Variants in DOK6 observed in about 807,000 individuals in gnomAD.
The protein encoded by DOK6 is docking protein 6.
Under a neutral mutation model 44.0 loss-of-function variants are expected in DOK6, and 22 were observed. That is an observed-to-expected ratio of 0.50 (90% confidence interval 0.36 to 0.71). DOK6 has a LOEUF of 0.71. Ranked by LOEUF, DOK6 falls within the 30% of genes least tolerant of loss-of-function variation. DOK6 has a pLI of 0.00. For missense variants in DOK6, 340 were observed against 416.4 expected (o/e 0.82, Z 1.60); for synonymous variants, 166 against 145.5 (o/e 1.14, Z -1.01).
intron 1 of DOK6, among the ~76,000 whole-genome samples, chr18:69,528,518 T>C (rs1981897874): frequency 2.6e-5 from 4 of 152,218 alleles, no homozygotes; most frequent in Admixed American, 2.6e-4. Flanking sequence ...GGAGATTCCC[T>C]GAAGTATAGC....
Position 69,841,584 on chromosome 18 carries a change from G to A in DOK6, c.*201G>A. The A allele has an allele frequency of 1.6e-6, 1 of 609,646 alleles. No individual in the cohort carries two copies. Among genetic ancestry groups the A allele is most frequent in the Non-Finnish European group, 2.6e-6 (1 of 381,408 alleles). 37.8% of individuals were successfully genotyped at this position (609,646 alleles called of 1,614,324 possible). A position where few individuals can be genotyped will look rare whatever the true frequency, so the allele number is the denominator to read the frequency against. On this transcript the variant is annotated 3_prime_UTR_variant, in exon 8 of 8. Transcript: ENST00000382713. ...AGTCCTTTATTTATTGAATTTCTTT[G>A]GGGGAATCTATGTTTTACATAAATA... is the stretch of plus-strand genomic sequence containing the variant.
chr18:69,540,476 A>C (rs1472053104), intron 1 of DOK6, among the ~76,000 whole-genome samples: 1 of 152,156 alleles, frequency 6.6e-6, no homozygotes, highest in African/African-American at 2.4e-5. Flanking sequence ...TGCAATCAAA[A>C]TTTAACTAAT....
chr18:69,502,525 C>T lies in DOK6; in HGVS notation c.67-61962C>T, dbSNP rs191882755. 9.9e-5 allele frequency among the ~76,000 whole-genome samples: 15 copies of T among 152,234 alleles called. No homozygotes were observed. The East Asian group carries it at 1.7e-3, about 18-fold the overall frequency. Reference sequence around the variant, plus strand: ...AATAGAGCTTCAAGTAATAAGTGCTCAGCAGTGCTGAATGCAGAGAAGCTG... The same window carrying T: ...AATAGAGCTTCAAGTAATAAGTGCTTAGCAGTGCTGAATGCAGAGAAGCTG... On this transcript the variant is annotated intron_variant, in intron 1 of 7. Transcript: ENST00000382713.
At chr18:69,475,930 A>G (rs1347564056) in intron 1 of DOK6, among the ~76,000 whole-genome samples, 2 of 152,100 alleles carry the variant, frequency 1.3e-5, no homozygotes, top group African/African-American at 4.8e-5. Flanking sequence ...GTACATGTGT[A>G]AGTTTGTTAC....
At chr18:69,806,172 T>C (rs1181858310) in intron 7 of DOK6, among the ~76,000 whole-genome samples, 1 of 152,000 alleles carries the variant, frequency 6.6e-6, no homozygotes, top group Non-Finnish European at 1.5e-5. Flanking sequence ...AGAGAAGTAC[T>C]TGTTCTATTA....
intron 1 of DOK6, among the ~76,000 whole-genome samples, chr18:69,531,460 C>T (rs1387180396): frequency 6.6e-6 from 1 of 151,172 alleles, no homozygotes; most frequent in East Asian, 1.9e-4. Context: ...AGTCCACTAC[C>T]AAAAGATATT....
chr18:69,500,150 A>G, intron 1 of DOK6, among the ~76,000 whole-genome samples: 1 of 152,132 alleles, frequency 6.6e-6, no homozygotes, highest in East Asian at 1.9e-4. Context: ...ATGGCCCTCC[A>G]ATGGTTTCCC....
intron 7 of DOK6, among the ~76,000 whole-genome samples, chr18:69,837,633 A>G (rs1204066544): frequency 6.6e-6 from 1 of 151,742 alleles, no homozygotes; most frequent in Non-Finnish European, 1.5e-5. Flanking sequence ...ATTAACATTT[A>G]TTGCCTATCT....
intron 2 of DOK6, among the ~76,000 whole-genome samples, chr18:69,589,599 T>TTTA (rs1006496171): frequency 2.0e-5 from 3 of 152,140 alleles, no homozygotes; most frequent in Admixed American, 2.0e-4. Context: ...TTAAAGCTAA[T>TTTA]AATTATAGTA....
rs1248729163 is a variant in DOK6 at position 69,842,416 on chromosome 18, C to A, written c.*1033C>A. 1 of 152,072 alleles carries A rather than the reference C, an allele frequency of 6.6e-6. No individual in the cohort carries two copies. Among genetic ancestry groups the A allele is most frequent in the Non-Finnish European group, 1.5e-5 (1 of 68,010 alleles). The allele number at this position is 152,072 out of a possible 1,614,324, so 9.4% of individuals were successfully genotyped here. On this transcript the variant is annotated 3_prime_UTR_variant, in exon 8 of 8. Transcript: ENST00000382713. The stretch of plus-strand genomic sequence containing the variant: ...TTAACCTTGAGAGAAAAGAGAGGTT[C>A]TAAATGAAGAACTCTTTAAGAAAGA...
chr18:69,434,946 GGGAGGGAGGGAA>G lies in DOK6; in HGVS notation c.66+33640_66+33651del, dbSNP rs1166828745. On this transcript the variant is annotated intron_variant, in intron 1 of 7. Coordinates refer to ENST00000382713, the MANE Select transcript of DOK6 (RefSeq NM_152721.6). ...AAGAAAAAAGGGAGGGAGGGAGGGA[GGGAGGGAGGGAA>G]GGAAGGAAGGAAGGAAGGAAGGAAA... 1.9e-4 allele frequency among the ~76,000 whole-genome samples: 24 copies of G among 123,780 alleles called. 1 individual carries two copies. The highest frequency in any genetic ancestry group is 6.1e-4 in the African/African-American group (22 of 36,294). 81.2% of individuals were successfully genotyped at this position (123,780 alleles called of 152,430 possible). A position where few individuals can be genotyped will look rare whatever the true frequency, so the allele number is the denominator to read the frequency against.
At chr18:69,824,264 T>C (rs989951644) in intron 7 of DOK6, among the ~76,000 whole-genome samples, 5 of 147,430 alleles carry the variant, frequency 3.4e-5, no homozygotes, top group Admixed American at 1.4e-4. Context: ...TCTCATTGTT[T>C]AATTCCCACC....
chr18:69,625,446 A>G (rs1984536580), intron 3 of DOK6, among the ~76,000 whole-genome samples: 2 of 152,168 alleles, frequency 1.3e-5, no homozygotes, highest in African/African-American at 4.8e-5. Flanking sequence ...ACTGTAGCCC[A>G]TACACATAAT....
At chr18:69,745,833 A>G (rs547121885) in intron 6 of DOK6, among the ~76,000 whole-genome samples, 1 of 152,366 alleles carries the variant, frequency 6.6e-6, no homozygotes, top group African/African-American at 2.4e-5. Context: ...GATGGCTAGC[A>G]AGAAAATTTA....
At chr18:69,521,930 A>T (rs535839602) in intron 1 of DOK6, among the ~76,000 whole-genome samples, 3 of 151,126 alleles carry the variant, frequency 2.0e-5, no homozygotes, top group Non-Finnish European at 3.0e-5. Context: ...GTTAAAATTT[A>T]AAAAAATTAT....
intron 2 of DOK6, among the ~76,000 whole-genome samples, chr18:69,567,504 G>A (rs1180389064): frequency 6.6e-6 from 1 of 151,984 alleles, no homozygotes; most frequent in Non-Finnish European, 1.5e-5. Flanking sequence ...GGAACAATTC[G>A]GTGTGATCAA....
In DOK6 at chr18:69,757,122, TAAAC is replaced by T. The variant is rs544468577; in HGVS notation, c.739-628_739-625del. ...CAATCCTTAAAATGTATGTTTCGAA[TAAAC>T]AAACATGCCACAGTTTTATCACAGT... On this transcript the variant is annotated intron_variant, in intron 6 of 7. Coordinates refer to ENST00000382713, the MANE Select transcript of DOK6 (RefSeq NM_152721.6). Among the ~76,000 whole-genome samples the T allele has an allele frequency of 5.9e-5, 9 of 152,330 alleles. No homozygotes were observed. The East Asian group carries it at 1.5e-3, about 26-fold the overall frequency.
At chr18:69,699,205 T>A (rs1986457249) in intron 5 of DOK6, among the ~76,000 whole-genome samples, 1 of 152,152 alleles carries the variant, frequency 6.6e-6, no homozygotes, top group Admixed American at 6.5e-5. Context: ...TTGTCACACA[T>A]CCAAGATAAG....
intron 1 of DOK6, among the ~76,000 whole-genome samples, chr18:69,528,217 C>A (rs78735247): frequency 0.03 from 4,461 of 150,786 alleles, 80 homozygotes; most frequent in Middle Eastern, 0.045. Context: ...AGATGCATAG[C>A]GTTGCATAAA....
Sources: gnomAD v4.1 joint callset for allele counts (sites outside exome capture counted in the v4.1 genomes callset) on GRCh38, gnomAD v4.1.1 for gene constraint, MANE v1.5 for transcripts, NCBI Gene and HGNC (gene_info 2026-07-23, HGNC 2026-07-21) for gene names.